Variants in PINK1 observed in about 807,000 individuals in gnomAD.
PINK1 encodes the protein PTEN induced kinase 1, also known as serine/threonine-protein kinase PINK1, mitochondrial.
PINK1 carries 58 observed loss-of-function variants against 56.0 expected under a neutral mutation model. The ratio of observed to expected loss-of-function variants is 1.04; its 90% CI spans 0.84 to 1.29. The LOEUF (loss-of-function observed/expected upper bound fraction) is 1.29, where lower values mean the gene tolerates loss of function less well. Among genes scored for constraint, PINK1 ranks in the 50% most tolerant of loss-of-function variants. The pLI, the probability that PINK1 is intolerant of heterozygous loss-of-function variation, is 0.00. For synonymous variants in PINK1, 354 were observed against 339.3 expected (o/e 1.04, Z -0.48); for missense variants, 745 against 777.9 (o/e 0.96, Z 0.50).
intron 3 of PINK1, among the ~76,000 whole-genome samples, chr1:20,640,684 C>T (rs995457606): frequency 6.6e-6 from 1 of 152,150 alleles, no homozygotes; most frequent in Non-Finnish European, 1.5e-5. Context: ...CCCATGTCCA[C>T]CACCAGCCTC....
chr1:20,648,375 C>T (rs776398151), intron 5 of PINK1, 130 bp from the exon 6 acceptor site: 4 of 1,407,288 alleles, frequency 2.8e-6, no homozygotes, highest in Non-Finnish European at 3.9e-6. Flanking sequence ...CCTTGCTGAC[C>T]TCCTGGGCCA....
intron 7 of PINK1, 71 bp from the exon 8 acceptor site, chr1:20,650,363 C>T (rs993762279): frequency 4.6e-5 from 73 of 1,591,988 alleles, no homozygotes; most frequent in East Asian, 1.6e-4. Context: ...AAGACCCTCA[C>T]TAACAAAGCA....
intron 4 of PINK1, among the ~76,000 whole-genome samples, chr1:20,645,189 T>C (rs1253530504): frequency 6.6e-6 from 1 of 151,806 alleles, no homozygotes; most frequent in African/African-American, 2.4e-5. Context: ...ACCCTAACAG[T>C]GATTAAGGTT....
chr1:20,638,050 G>C lies in PINK1; in HGVS notation c.596G>C (p.Ser199Thr), dbSNP rs374547622. Reference sequence around the variant, plus strand: ...CTTCCAGGGAGAGGCCCAGGTACCAGTGCACCAGGAGAAGGGCAGGAGCGA... The same window carrying C: ...CTTCCAGGGAGAGGCCCAGGTACCACTGCACCAGGAGAAGGGCAGGAGCGA... ...GLLPGRGPGT[S>T]APGEGQERAP... Residue 199 changes from serine (S) to threonine (T), a missense_variant, in exon 2 of 8, where the codon AGT (serine) becomes ACT (threonine). Transcript: ENST00000321556. 5 of 1,614,034 alleles carry C rather than the reference G, an allele frequency of 3.1e-6. No individual in the cohort carries two copies. The highest frequency in any genetic ancestry group is 4.2e-6 in the Non-Finnish European group (5 of 1,180,034).
At position 20,650,570 on chromosome 1, in the gene PINK1, A is replaced by C. The variant is rs536023801; in HGVS notation, c.1625A>C (p.Asn542Thr). 10 of 1,614,276 alleles carry C rather than the reference A, an allele frequency of 6.2e-6. No homozygotes were observed. In the African/African-American group the frequency reaches 9.3e-5, roughly 15 times the overall value. Residue 542 changes from asparagine (N) to threonine (T), a missense_variant, in exon 8 of 8, where the codon AAC (asparagine) becomes ACC (threonine). Transcript: ENST00000321556. ...LQQSAATLLANRLTEKCCVET... is the reference protein window; with the variant it reads ...LQQSAATLLATRLTEKCCVET... ...CAATCGGCCGCCACTTTGTTGGCCA[A>C]CAGGCTCACAGAGAAGTGTTGTGTG... is the stretch of plus-strand genomic sequence containing the variant.
chr1:20,650,191 CA>C, intron 7 of PINK1: 1 of 578,866 alleles, frequency 1.7e-6, no homozygotes, highest in Non-Finnish European at 3.1e-6. Context: ...GCTTTCCACC[CA>C]GGGGGAAAGG....
intron 7 of PINK1, 161 bp downstream of exon 7, chr1:20,649,392 T>C (rs2053235654): frequency 1.4e-6 from 1 of 692,988 alleles, no homozygotes. Flanking sequence ...TTAATGTAGG[T>C]AGGAGTAGGA....
rs1361766688 is a variant in PINK1 at position 20,650,465 on chromosome 1, T to TTCA, written c.1523_1525dup (p.His508dup). On this transcript the variant is annotated inframe_insertion, in exon 8 of 8. Coordinates refer to ENST00000321556, the MANE Select transcript of PINK1 (RefSeq NM_032409.3). ...TCTGCCCGAGTAGCCGCAAATGTGC[T>TTCA]TCATCTAAGCCTCTGGGGTGAACAT... 6.2e-7 allele frequency: 1 copy of TTCA among 1,613,964 alleles called. No individual in the cohort carries two copies. The highest frequency in any genetic ancestry group is 1.3e-5 in the African/African-American group (1 of 74,908).
chr1:20,636,387 C>T (rs1570398978), intron 1 of PINK1, among the ~76,000 whole-genome samples: 2 of 151,724 alleles, frequency 1.3e-5, no homozygotes, highest in Non-Finnish European at 2.9e-5. Flanking sequence ...CACCGTCGCC[C>T]AGGCTGTGCA....
chr1:20,649,938 G>A lies in PINK1; in HGVS notation c.1489-496G>A, dbSNP rs533768762. The stretch of plus-strand genomic sequence containing the variant: ...TGAAATTAATATAAAGGAATGCAAA[G>A]GCAGACCTATCCGAAGCCATAATTG... On this transcript the variant is annotated intron_variant, in intron 7 of 7. Transcript: ENST00000321556. 2.2e-5 allele frequency: 5 copies of A among 230,796 alleles called. No homozygotes were observed. The East Asian group carries it at 4.0e-4, about 18-fold the overall frequency. The allele number at this position is 230,796 out of a possible 1,614,324, so 14.3% of individuals were successfully genotyped here.
intron 2 of PINK1, 120 bp from the exon 3 acceptor site, chr1:20,639,772 C>T (rs911798593): frequency 1.2e-5 from 10 of 863,032 alleles, no homozygotes; most frequent in African/African-American, 8.3e-5. Context: ...CATCTTATCT[C>T]GAAGGTCAGA....
chr1:20,645,080 T>C (rs2053161425), intron 4 of PINK1, among the ~76,000 whole-genome samples: 2 of 152,208 alleles, frequency 1.3e-5, no homozygotes, highest in South Asian at 4.1e-4. Flanking sequence ...CCCCAACTCT[T>C]ACTTCCTAAT....
At chr1:20,638,397 T>C (rs572781386) in intron 2 of PINK1, 1 of 454,810 alleles carries the variant, frequency 2.2e-6, no homozygotes, top group South Asian at 2.2e-5. Flanking sequence ...TCCCAGCACT[T>C]TGGGAGGCCA....
Position 20,650,441 on chromosome 1 carries a change from C to T in PINK1, c.1496C>T (p.Ser499Phe), listed in dbSNP as rs1188055566. The change falls in exon 8 of 8, where the codon TCT (serine) becomes TTT (phenylalanine). Residue 499 changes from serine to phenylalanine, a missense_variant. Ser to Phe is a radical substitution (Grantham distance 155). Transcript: ENST00000321556. ...CTTCCCTTCCTGTTGCAGAGACCAT[C>T]TGCCCGAGTAGCCGCAAATGTGCTT... is the stretch of plus-strand genomic sequence containing the variant. ...LLQREASKRP[S>F]ARVAANVLHL... 4 of 1,613,828 alleles carry T rather than the reference C, an allele frequency of 2.5e-6. No individual in the cohort carries two copies. Among genetic ancestry groups the T allele is most frequent in the Admixed American group, 1.7e-5 (1 of 59,992 alleles).
In PINK1 at chr1:20,651,134, G is replaced by T; in HGVS notation, c.*443G>T. The T allele has an allele frequency of 4.1e-6, 1 of 245,254 alleles. No individual in the cohort carries two copies. The highest frequency in any genetic ancestry group is 8.1e-6 in the Non-Finnish European group (1 of 122,938). 15.2% of individuals were successfully genotyped at this position (245,254 alleles called of 1,614,324 possible). ...TTACGGGAGTGGGAAATTACATGAG[G>T]CCTGGGCCTCTGCGTTCCCAAGCTG... On this transcript the variant is annotated 3_prime_UTR_variant, in exon 8 of 8. Transcript: ENST00000321556.
intron 2 of PINK1, 93 bp downstream of exon 2, chr1:20,638,222 A>C: frequency 6.9e-7 from 1 of 1,443,960 alleles, no homozygotes; most frequent in Non-Finnish European, 9.4e-7. Flanking sequence ...AGTAGGTAGG[A>C]AAAGACAGAT....
Position 20,651,093 on chromosome 1 carries a change from G to A in PINK1, c.*402G>A, listed in dbSNP as rs1339232988. Reference sequence around the variant, plus strand: ...CCTGGATGAAGGCAGACATCAACATGGGTCAGCACGTTCAGTTACGGGAGT... The same window carrying A: ...CCTGGATGAAGGCAGACATCAACATAGGTCAGCACGTTCAGTTACGGGAGT... On this transcript the variant is annotated 3_prime_UTR_variant, in exon 8 of 8. Coordinates refer to ENST00000321556, the MANE Select transcript of PINK1 (RefSeq NM_032409.3). The A allele has an allele frequency of 3.3e-6, 1 of 301,336 alleles. No individual in the cohort carries two copies. The highest frequency in any genetic ancestry group is 2.2e-5 in the African/African-American group (1 of 46,344). 18.7% of individuals were successfully genotyped at this position (301,336 alleles called of 1,614,324 possible).
intron 6 of PINK1, 31 bp downstream of exon 6, chr1:20,648,663 C>T: frequency 1.2e-6 from 2 of 1,611,472 alleles, no homozygotes; most frequent in Non-Finnish European, 1.7e-6. Context: ...GCGCCATCGG[C>T]AGCCCTTCCC....
rs539550171 is a variant in PINK1, at chr1:20,641,579, G to A, written c.776+1587G>A. On this transcript the variant is annotated intron_variant, in intron 3 of 7. Coordinates refer to ENST00000321556, the MANE Select transcript of PINK1 (RefSeq NM_032409.3). This position sits in a 1 kb window ranked among gnomAD's most constrained non-coding sequence, Gnocchi z 4.0. ...CTCAGTAAATACCTGTTGAATGACC[G>A]GATAGATGTGGCAGCAGGTACATTA... Among the ~76,000 whole-genome samples, 8 of 152,168 alleles carry A rather than the reference G, an allele frequency of 5.3e-5. No individual in the cohort carries two copies. Among genetic ancestry groups the A allele is most frequent in the South Asian group, 2.1e-4 (1 of 4,816 alleles).
Sources: allele counts gnomAD v4.1 joint callset (sites outside exome capture counted in the v4.1 genomes callset), GRCh38; gene constraint gnomAD v4.1.1; non-coding constraint Gnocchi (gnomAD v3.1); transcripts MANE v1.5; gene names NCBI Gene and HGNC (gene_info 2026-07-23, HGNC 2026-07-21).